Variants in CADM4 observed in about 807,000 individuals in gnomAD.
CADM4 encodes cell adhesion molecule 4, also known as TSLC1-like 2.
Under a neutral mutation model 43.9 loss-of-function variants are expected in CADM4, and 13 were observed. That is an observed-to-expected ratio of 0.30 (90% CI 0.19 to 0.47). The LOEUF (loss-of-function observed/expected upper bound fraction) is 0.47, where lower values mean the gene tolerates loss of function less well. Among genes scored for constraint, CADM4 ranks in the 20% least tolerant of loss-of-function variants. The pLI, the probability that CADM4 is intolerant of heterozygous loss-of-function variation, is 1.00. For missense variants in CADM4, 420 were observed against 527.0 expected, an observed-to-expected ratio of 0.80 and a Z score of 1.99; for synonymous variants, 209 against 220.9, an observed-to-expected ratio of 0.95 and a Z score of 0.48.
In CADM4 at chr19:43,627,709, T is replaced by C; in HGVS notation, c.146A>G (p.Tyr49Cys). The C allele has an allele frequency of 6.2e-7, 1 of 1,614,160 alleles. No individual in the cohort carries two copies. The highest frequency in any genetic ancestry group is 8.5e-7 in the Non-Finnish European group (1 of 1,180,020). Residue 49 changes from tyrosine (Y) to cysteine (C), a missense_variant, in exon 2 of 9, where the codon TAT becomes TGT. Coordinates refer to ENST00000222374, the MANE Select transcript of CADM4 (RefSeq NM_145296.2). This position sits in a 1 kb window ranked among gnomAD's most constrained non-coding sequence, Gnocchi z 4.0. The stretch of plus-strand genomic sequence containing the variant: ...CTGGATGACAACTATGGACCCATCA[T>C]ACTGGTGCAGACGGCAGGTGATCTC... ...VAEITCRLHQ[Y>C]DGSIVVIQNP...
chr19:43,624,551 G>A (rs1224826784), intron 7 of CADM4, among the ~76,000 whole-genome samples: 3 of 151,978 alleles, frequency 2.0e-5, no homozygotes, highest in African/African-American at 4.8e-5. Flanking sequence ...GCGATCCTCC[G>A]GCCTAGGCCT....
At position 43,626,358 on chromosome 19, in the gene CADM4, G is replaced by A. The variant is rs1461088494; in HGVS notation, c.500-70C>T. 7.7e-6 allele frequency: 12 copies of A among 1,557,750 alleles called. No homozygotes were observed. The East Asian group carries it at 1.4e-4, about 18-fold the overall frequency. On this transcript the variant is annotated intron_variant, in intron 4 of 8. Coordinates refer to ENST00000222374, the MANE Select transcript of CADM4 (RefSeq NM_145296.2). The surrounding 1 kb of genome is among the most constrained non-coding windows in gnomAD (Gnocchi z 5.9). ...CATCCACCCACCCACCCGAGCCAAC[G>A]CCAAAGCAGGCTATTTGCCAAGCTC...
intron 1 of CADM4, among the ~76,000 whole-genome samples, chr19:43,637,977 G>T (rs910713424): frequency 6.6e-6 from 1 of 152,114 alleles, no homozygotes; most frequent in African/African-American, 2.4e-5. Context: ...TTAGTTCCAG[G>T]ATTCTATGAG....
Position 43,627,402 on chromosome 19 carries a change from G to C in CADM4, c.212-84C>G. The C allele has an allele frequency of 6.9e-7, 1 of 1,441,296 alleles. No individual in the cohort carries two copies. Among genetic ancestry groups the C allele is most frequent in the Non-Finnish European group, 9.3e-7 (1 of 1,079,028 alleles). 89.3% of individuals were successfully genotyped at this position (1,441,296 alleles called of 1,614,324 possible). A position where few individuals can be genotyped will look rare whatever the true frequency, so the allele number is the denominator to read the frequency against. ...CCTTCCGACAGGAGCTTAGAGTCCA[G>C]CCCTCTGCCTCTTTTCTCCAGCCAT... On this transcript the variant is annotated intron_variant, in intron 2 of 8. Transcript: ENST00000222374. The surrounding 1 kb of genome is among the most constrained non-coding windows in gnomAD (Gnocchi z 4.0).
In CADM4 at chr19:43,627,937, A is replaced by G; in HGVS notation, c.65-147T>C. ...GCACTGAACATTTCCTGCAGGCTAG[A>G]GTCCAGGACAGGGAGGAAATCTGCT... On this transcript the variant is annotated intron_variant, in intron 1 of 8. Transcript: ENST00000222374. This position sits in a 1 kb window ranked among gnomAD's most constrained non-coding sequence, Gnocchi z 4.0. 1 of 782,916 alleles carries G rather than the reference A, an allele frequency of 1.3e-6. No homozygotes were observed. Among genetic ancestry groups the G allele is most frequent in the Non-Finnish European group, 2.0e-6 (1 of 491,770 alleles). The allele number at this position is 782,916 out of a possible 1,614,324, so 48.5% of individuals were successfully genotyped here.
rs985610485 is a variant in CADM4 at position 43,625,836 on chromosome 19, C to G, written c.755+75G>C. On this transcript the variant is annotated intron_variant, in intron 6 of 8. Coordinates refer to ENST00000222374, the MANE Select transcript of CADM4 (RefSeq NM_145296.2). This position sits in a 1 kb window ranked among gnomAD's most constrained non-coding sequence, Gnocchi z 4.5. ...TCTCTCCTCCTTAGGACCCAGGAGT[C>G]CAAGTCCCTGGTCCCTGTTCTTCCA... The G allele has an allele frequency of 3.1e-6, 4 of 1,284,068 alleles. No homozygotes were observed. In the African/African-American group the frequency reaches 5.9e-5, roughly 19 times the overall value. The allele number at this position is 1,284,068 out of a possible 1,614,324, so 79.5% of individuals were successfully genotyped here.
chr19:43,638,583 C>A (rs1219053875), intron 1 of CADM4, among the ~76,000 whole-genome samples: 5 of 152,206 alleles, frequency 3.3e-5, no homozygotes, highest in Non-Finnish European at 7.3e-5. Context: ...GTGTGGGTGA[C>A]ATTTCCTGAC....
chr19:43,623,147 C>T lies in CADM4; in HGVS notation c.*183G>A. On this transcript the variant is annotated 3_prime_UTR_variant, in exon 9 of 9. Transcript: ENST00000222374. This position sits in a 1 kb window ranked among gnomAD's most constrained non-coding sequence, Gnocchi z 4.4. Reference sequence around the variant, plus strand: ...GACCCAGACCTCTGGGCCCTCACTTCTGGCCCTTACAGAGATCCAGGCATC... The same window carrying T: ...GACCCAGACCTCTGGGCCCTCACTTTTGGCCCTTACAGAGATCCAGGCATC... The T allele has an allele frequency of 1.7e-6, 1 of 603,634 alleles. No individual in the cohort carries two copies. The highest frequency in any genetic ancestry group is 3.0e-6 in the Non-Finnish European group (1 of 337,412). 37.4% of individuals were successfully genotyped at this position (603,634 alleles called of 1,614,324 possible). A position where few individuals can be genotyped will look rare whatever the true frequency, so the allele number is the denominator to read the frequency against.
In CADM4 at chr19:43,626,809, C is replaced by T; in HGVS notation, c.474G>A (p.Trp158Ter). 6.2e-7 allele frequency: 1 copy of T among 1,606,168 alleles called. No individual in the cohort carries two copies. Among genetic ancestry groups the T allele is most frequent in the African/African-American group, 1.3e-5 (1 of 74,798 alleles). ...PRSRPAATLRWYRDRKELKGV... is the reference protein window; with the variant it reads ...PRSRPAATLR ...CTTTCAGCTCCTTGCGGTCCCGGTA[C>T]CAGCGCAGGGTGGCAGCCGGACGGG... The change falls in exon 4 of 9, where the codon TGG becomes TGA. Residue 158 changes from tryptophan (W) to a stop codon, truncating the protein, a stop_gained. Coordinates refer to ENST00000222374, the MANE Select transcript of CADM4 (RefSeq NM_145296.2). LOFTEE classifies it high-confidence loss of function. The surrounding 1 kb of genome is among the most constrained non-coding windows in gnomAD (Gnocchi z 5.9).
chr19:43,627,596 C>CTTTA lies in CADM4; in HGVS notation c.211+47_211+48insTAAA. 1 of 1,576,198 alleles carries CTTTA rather than the reference C, an allele frequency of 6.3e-7. No individual in the cohort carries two copies. Among genetic ancestry groups the CTTTA allele is most frequent in the Non-Finnish European group, 8.7e-7 (1 of 1,151,932 alleles). On this transcript the variant is annotated intron_variant, in intron 2 of 8. Coordinates refer to ENST00000222374, the MANE Select transcript of CADM4 (RefSeq NM_145296.2). This position sits in a 1 kb window ranked among gnomAD's most constrained non-coding sequence, Gnocchi z 4.0. ...TTTCAGGACATGGGAGCCTGGGCCC[C>CTTTA]AGCCCTCTCTTCCTTTAAGACTCCT...
intron 1 of CADM4, among the ~76,000 whole-genome samples, chr19:43,630,133 G>A (rs902374570): frequency 6.6e-6 from 1 of 151,896 alleles, no homozygotes; most frequent in African/African-American, 2.4e-5. Flanking sequence ...TTGAACTTGC[G>A]AGCTCAAGTG....
chr19:43,623,547 GGA>G lies in CADM4; in HGVS notation c.1058-110_1058-109del, dbSNP rs895924013. ...ACAGACAAGACACATGCCAGGCGAA[GGA>G]AGAGGGAGAAACGGAACACACAGGG... On this transcript the variant is annotated intron_variant, in intron 8 of 8. Transcript: ENST00000222374. This position sits in a 1 kb window ranked among gnomAD's most constrained non-coding sequence, Gnocchi z 4.4. 2.6e-6 allele frequency: 2 copies of G among 762,100 alleles called. No homozygotes were observed. The highest frequency in any genetic ancestry group is 3.4e-5 in the African/African-American group (2 of 58,720). 47.2% of individuals were successfully genotyped at this position (762,100 alleles called of 1,614,324 possible). A position where few individuals can be genotyped will look rare whatever the true frequency, so the allele number is the denominator to read the frequency against.
chr19:43,624,948 G>C, intron 7 of CADM4, 130 bp downstream of exon 7: 1 of 1,040,282 alleles, frequency 9.6e-7, no homozygotes, highest in South Asian at 1.7e-5. Flanking sequence ...CCGCGGGCCA[G>C]TCTGGTCCCA....
chr19:43,629,364 T>TA (rs1973582732), intron 1 of CADM4, among the ~76,000 whole-genome samples: 2 of 152,182 alleles, frequency 1.3e-5, no homozygotes, highest in South Asian at 4.1e-4. Context: ...TTACAGCCTT[T>TA]AACCTACCCT....
chr19:43,626,677 T>G lies in CADM4; in HGVS notation c.499+107A>C. 7.2e-7 allele frequency: 1 copy of G among 1,390,022 alleles called. No homozygotes were observed. Among genetic ancestry groups the G allele is most frequent in the Non-Finnish European group, 9.6e-7 (1 of 1,037,676 alleles). 86.1% of individuals were successfully genotyped at this position (1,390,022 alleles called of 1,614,324 possible). A position where few individuals can be genotyped will look rare whatever the true frequency, so the allele number is the denominator to read the frequency against. ...CGCGCTCGACATCAACCACTACATA[T>G]TGAATGTCCAGTGTCTGTGAAAACC... On this transcript the variant is annotated intron_variant, in intron 4 of 8. Coordinates refer to ENST00000222374, the MANE Select transcript of CADM4 (RefSeq NM_145296.2). The surrounding 1 kb of genome is among the most constrained non-coding windows in gnomAD (Gnocchi z 5.9).
intron 1 of CADM4, among the ~76,000 whole-genome samples, chr19:43,628,355 A>T (rs1280113888): frequency 6.6e-6 from 1 of 151,734 alleles, no homozygotes; most frequent in Non-Finnish European, 1.5e-5. Context: ...GAATCGCTTG[A>T]ACCCGGGAGT....
chr19:43,626,561 G>T lies in CADM4; in HGVS notation c.499+223C>A, dbSNP rs1330350163. ...ATTTATATATATACTTAGAGACAGG[G>T]TCTCACAATGTTGGGCAGGTTGAAC... On this transcript the variant is annotated intron_variant, in intron 4 of 8. Coordinates refer to ENST00000222374, the MANE Select transcript of CADM4 (RefSeq NM_145296.2). This position sits in a 1 kb window ranked among gnomAD's most constrained non-coding sequence, Gnocchi z 5.9. Among the ~76,000 whole-genome samples the T allele has an allele frequency of 1.3e-5, 2 of 152,038 alleles. No homozygotes were observed. Among genetic ancestry groups the T allele is most frequent in the Non-Finnish European group, 2.9e-5 (2 of 68,014 alleles).
rs749312086 is a variant in CADM4, at chr19:43,625,991, C to A, written c.675G>T (p.Thr225=). ...QYVLDVQYSP[T]ARIHASQAVV... ...CAGCTTGGGAGGCATGAATCCGGGC[C>A]GTGGGGGAGTCTGTTAGGCAAAAGT... Residue 225 remains threonine (T), a synonymous_variant, in exon 6 of 9, where the codon ACG becomes ACT. Coordinates refer to ENST00000222374, the MANE Select transcript of CADM4 (RefSeq NM_145296.2). This position sits in a 1 kb window ranked among gnomAD's most constrained non-coding sequence, Gnocchi z 4.5. The A allele has an allele frequency of 9.3e-6, 15 of 1,614,018 alleles. No individual in the cohort carries two copies. The Admixed American group carries it at 1.2e-4, about 13-fold the overall frequency.
chr19:43,639,679 G>A, intron 1 of CADM4, 48 bp downstream of exon 1: 1 of 964,652 alleles, frequency 1.0e-6, no homozygotes, highest in Non-Finnish European at 1.2e-6. Context: ...TCACCACAGC[G>A]CGCCCCCCGC....
Sources: gnomAD v4.1 joint callset for allele counts (sites outside exome capture counted in the v4.1 genomes callset) on GRCh38, gnomAD v4.1.1 for gene constraint, Gnocchi (gnomAD v3.1) non-coding constraint, MANE v1.5 for transcripts, NCBI Gene and HGNC (gene_info 2026-07-23, HGNC 2026-07-21) for gene names.